CMTM7: variants seen among roughly 807,000 people sequenced by gnomAD.
CMTM7 encodes the protein CKLF-like MARVEL transmembrane domain-containing protein 7.
In CMTM7, 7 loss-of-function variants were observed where a neutral mutation model predicts 19.3. The observed-to-expected ratio is 0.36, with a 90% CI of 0.21 to 0.68. The LOEUF (loss-of-function observed/expected upper bound fraction) is 0.68, where lower values mean the gene tolerates loss of function less well. Ranked by LOEUF, CMTM7 falls within the 30% of genes least tolerant of loss-of-function variation. CMTM7 has a pLI of 0.60. For missense variants in CMTM7, 193 were observed against 232.6 expected, an observed-to-expected ratio of 0.83 and a Z score of 1.11; for synonymous variants, 87 against 99.3, an observed-to-expected ratio of 0.88 and a Z score of 0.74.
intron 4 of CMTM7, among the ~76,000 whole-genome samples, chr3:32,453,815 T>C (rs1696869993): frequency 6.6e-6 from 1 of 152,176 alleles, no homozygotes; most frequent in South Asian, 2.1e-4. Context: ...GTATGTGAAT[T>C]ATTAAAATAT....
At chr3:32,427,560 T>A (rs1008640184) in intron 1 of CMTM7, among the ~76,000 whole-genome samples, 7 of 152,108 alleles carry the variant, frequency 4.6e-5, no homozygotes, top group African/African-American at 1.7e-4. Flanking sequence ...TTAATGAAAA[T>A]CAAATTAAGA....
intron 1 of CMTM7, among the ~76,000 whole-genome samples, chr3:32,439,214 C>T (rs1161425804): frequency 6.6e-6 from 1 of 152,156 alleles, no homozygotes; most frequent in African/African-American, 2.4e-5. Context: ...TGCTCATTAG[C>T]AAAGGGAAAT....
chr3:32,398,091 T>C (rs1695945008), intron 1 of CMTM7, among the ~76,000 whole-genome samples: 1 of 152,236 alleles, frequency 6.6e-6, no homozygotes, highest in Non-Finnish European at 1.5e-5. Flanking sequence ...ATAAGTGGTA[T>C]GTTAGGGTTG....
intron 1 of CMTM7, among the ~76,000 whole-genome samples, chr3:32,394,961 G>T (rs937188220): frequency 2.0e-5 from 3 of 151,446 alleles, no homozygotes; most frequent in Non-Finnish European, 2.9e-5. Flanking sequence ...CTCCCAAAGC[G>T]CTGGTATTAC....
chr3:32,449,230 C>G lies in CMTM7; in HGVS notation c.334-224C>G, dbSNP rs77785952. 8.4e-3 allele frequency among the ~76,000 whole-genome samples: 1,279 copies of G among 152,336 alleles called. 20 individuals are homozygous for G. Among genetic ancestry groups the G allele is most frequent in the African/African-American group, 0.029 (1,222 of 41,570 alleles). ...GCTTCCTTTCTCTCTGTCCTCTTCC[C>G]TTCCTGCCTGCCCGGCATCACTTCT... On this transcript the variant is annotated intron_variant, in intron 2 of 4. Transcript: ENST00000334983. The surrounding 1 kb of genome is among the most constrained non-coding windows in gnomAD (Gnocchi z 4.5).
intron 1 of CMTM7, among the ~76,000 whole-genome samples, chr3:32,402,292 A>G (rs978772302): frequency 3.9e-5 from 6 of 152,144 alleles, no homozygotes; most frequent in African/African-American, 1.4e-4. Context: ...TTGTATTTTT[A>G]GTAGAGACGG....
chr3:32,397,688 C>T (rs570906536), intron 1 of CMTM7, among the ~76,000 whole-genome samples: 54 of 151,690 alleles, frequency 3.6e-4, no homozygotes, highest in African/African-American at 1.2e-3. Flanking sequence ...GAGCCGAGAT[C>T]GCAGCATTGC....
chr3:32,416,382 T>A (rs1295340247), intron 1 of CMTM7, among the ~76,000 whole-genome samples: 4 of 100,226 alleles, frequency 4.0e-5, no homozygotes, highest in African/African-American at 1.6e-4. Context: ...TTTTTTTTTT[T>A]TTTTTTTTTT....
intron 2 of CMTM7, among the ~76,000 whole-genome samples, chr3:32,444,140 G>A (rs1382723607): frequency 6.6e-6 from 1 of 151,958 alleles, no homozygotes; most frequent in Non-Finnish European, 1.5e-5. Context: ...AATTCAGATT[G>A]TGAAAATTTA....
At chr3:32,405,705 T>C (rs1348913914) in intron 1 of CMTM7, among the ~76,000 whole-genome samples, 1 of 152,164 alleles carries the variant, frequency 6.6e-6, no homozygotes, top group Non-Finnish European at 1.5e-5. Context: ...CAGTGACCTA[T>C]GATCTATGCC....
chr3:32,432,636 G>C (rs998753633), intron 1 of CMTM7, among the ~76,000 whole-genome samples: 2 of 152,206 alleles, frequency 1.3e-5, no homozygotes, highest in African/African-American at 4.8e-5. Context: ...ATGTCTCTGT[G>C]TCTCACCTTC....
chr3:32,392,161 G>A, intron 1 of CMTM7, 96 bp downstream of exon 1: 2 of 937,326 alleles, frequency 2.1e-6, no homozygotes, highest in Non-Finnish European at 2.8e-6. Context: ...GACCCGGCCG[G>A]AGCCCAGGGA....
intron 1 of CMTM7, among the ~76,000 whole-genome samples, chr3:32,395,103 C>T (rs138628449): frequency 4.6e-4 from 69 of 150,072 alleles, no homozygotes; most frequent in African/African-American, 1.5e-3. Context: ...CTCCTGGGCT[C>T]GGCGATTGTC....
At chr3:32,421,081 C>T (rs1194130019) in intron 1 of CMTM7, among the ~76,000 whole-genome samples, 1 of 151,856 alleles carries the variant, frequency 6.6e-6, no homozygotes, top group Non-Finnish European at 1.5e-5. Context: ...CCACCCAGCT[C>T]CTCTCCCTTT....
chr3:32,392,908 T>C (rs1695861648), intron 1 of CMTM7, among the ~76,000 whole-genome samples: 1 of 152,220 alleles, frequency 6.6e-6, no homozygotes, highest in Admixed American at 6.5e-5. Flanking sequence ...GTTTTTTTCT[T>C]CTTTAAAAGT....
At chr3:32,442,727 A>G (rs1319225493) in intron 2 of CMTM7, among the ~76,000 whole-genome samples, 3 of 152,154 alleles carry the variant, frequency 2.0e-5, no homozygotes, top group Admixed American at 6.6e-5. Flanking sequence ...AGAAGTTGCC[A>G]GACTTTTTCT....
At chr3:32,416,361 A>ATTTTTT (rs58085712) in intron 1 of CMTM7, among the ~76,000 whole-genome samples, 5 of 72,420 alleles carry the variant, frequency 6.9e-5, no homozygotes, top group African/African-American at 2.4e-4. Flanking sequence ...ATCCGGGCTA[A>ATTTTTT]TTTTTTTTTT....
intron 1 of CMTM7, among the ~76,000 whole-genome samples, chr3:32,396,442 G>A (rs1695919700): frequency 2.0e-5 from 3 of 152,284 alleles, no homozygotes; most frequent in Admixed American, 6.5e-5. Context: ...AGGAGGCAGA[G>A]GTTGCAGTGA....
intron 1 of CMTM7, among the ~76,000 whole-genome samples, chr3:32,430,516 T>C (rs1188265349): frequency 6.6e-6 from 1 of 152,204 alleles, no homozygotes; most frequent in Non-Finnish European, 1.5e-5. Flanking sequence ...TGCTGGGCAC[T>C]AGGGACACCA....
Sources: allele counts gnomAD v4.1 joint callset (sites outside exome capture counted in the v4.1 genomes callset), GRCh38; gene constraint gnomAD v4.1.1; non-coding constraint Gnocchi (gnomAD v3.1); transcripts MANE v1.5; gene names NCBI Gene and HGNC (gene_info 2026-07-23, HGNC 2026-07-21).